SPSB4: variants seen among roughly 807,000 people sequenced by gnomAD.
SPSB4 encodes the protein SPRY domain-containing SOCS box protein 4.
A neutral mutation model predicts 20.9 loss-of-function variants in SPSB4; 21 were observed. That is an observed-to-expected ratio of 1.01 (90% CI 0.71 to 1.45). SPSB4 has a LOEUF of 1.45. Ranked by LOEUF, SPSB4 falls within the 40% of genes most tolerant of loss-of-function variation. SPSB4 has a pLI of 0.00. For missense variants in SPSB4, 399 were observed against 399.2 expected, an observed-to-expected ratio of 1.00 and a Z score of 0.00; for synonymous variants, 207 against 183.8, an observed-to-expected ratio of 1.13 and a Z score of -1.02.
In SPSB4 at chr3:141,066,072, T is replaced by A. The variant is rs1559838831; in HGVS notation, c.-33T>A. 1 of 1,475,348 alleles carries A rather than the reference T, an allele frequency of 6.8e-7. No individual in the cohort carries two copies. The allele number at this position is 1,475,348 out of a possible 1,614,324, so 91.4% of individuals were successfully genotyped here. The stretch of plus-strand genomic sequence containing the variant: ...AGTGGAGGCTCCCACGAGGTAGCGG[T>A]GGCCTGCAGCGGCCTCCTCCCCGCA... On this transcript the variant is annotated 5_prime_UTR_variant, in exon 2 of 3. Transcript: ENST00000310546.
intron 2 of SPSB4, among the ~76,000 whole-genome samples, chr3:141,083,017 G>T (rs1396118697): frequency 6.8e-6 from 1 of 147,080 alleles, no homozygotes; most frequent in Non-Finnish European, 1.5e-5. Flanking sequence ...TGTCCACCAT[G>T]GACCTCCCCA....
At chr3:141,076,117 G>A (rs548591264) in intron 2 of SPSB4, among the ~76,000 whole-genome samples, 36 of 152,220 alleles carry the variant, frequency 2.4e-4, no homozygotes, top group Non-Finnish European at 5.3e-4. Flanking sequence ...GCCTTGGTCT[G>A]TGTTGCCCTC....
rs553069373 is a variant in SPSB4, at chr3:141,143,752, A to T, written c.695-3390A>T. ...GTCCTGAGTTGGTTGGCCTCCAGCC[A>T]GGAGGTGGTGCTTTCAAGAGAGCAC... On this transcript the variant is annotated intron_variant, in intron 2 of 2. Transcript: ENST00000310546. Among the ~76,000 whole-genome samples, 31 of 152,364 alleles carry T rather than the reference A, an allele frequency of 2.0e-4. No homozygotes were observed. In the South Asian group the frequency reaches 6.2e-3, roughly 31 times the overall value.
intron 2 of SPSB4, among the ~76,000 whole-genome samples, chr3:141,070,107 G>A (rs1265465631): frequency 6.6e-6 from 1 of 152,124 alleles, no homozygotes; most frequent in African/African-American, 2.4e-5. Flanking sequence ...ACAAAGAGCT[G>A]CAGGACGCAC....
chr3:141,056,262 T>G (rs1019431670), intron 1 of SPSB4, among the ~76,000 whole-genome samples: 1 of 152,248 alleles, frequency 6.6e-6, no homozygotes, highest in African/African-American at 2.4e-5. Context: ...TGAGTGGGCC[T>G]TGGCCCGGTT....
chr3:141,140,792 G>A (rs552382365), intron 2 of SPSB4, among the ~76,000 whole-genome samples: 2 of 152,004 alleles, frequency 1.3e-5, no homozygotes, highest in South Asian at 4.2e-4. Context: ...CCCACTTGAG[G>A]AGGCAGTCTG....
chr3:141,144,427 T>A (rs982611835), intron 2 of SPSB4, among the ~76,000 whole-genome samples: 1 of 152,162 alleles, frequency 6.6e-6, no homozygotes, highest in African/African-American at 2.4e-5. Flanking sequence ...CCTATCCAGG[T>A]GATTATTTCC....
chr3:141,125,371 C>G (rs528302040), intron 2 of SPSB4, among the ~76,000 whole-genome samples: 1 of 152,152 alleles, frequency 6.6e-6, no homozygotes, highest in African/African-American at 2.4e-5. Flanking sequence ...TGCAATCAGA[C>G]AGGAAGTGGC....
intron 2 of SPSB4, among the ~76,000 whole-genome samples, chr3:141,107,064 C>A (rs182146173): frequency 6.6e-6 from 1 of 152,342 alleles, no homozygotes; most frequent in Admixed American, 6.5e-5. Context: ...CACCCCTGAA[C>A]CAGTCAGTCA....
chr3:141,136,534 A>G (rs1374952698), intron 2 of SPSB4, among the ~76,000 whole-genome samples: 6 of 152,174 alleles, frequency 3.9e-5, no homozygotes, highest in Non-Finnish European at 8.8e-5. Flanking sequence ...CAAGGAAGGG[A>G]TCCAGTTTCA....
intron 2 of SPSB4, among the ~76,000 whole-genome samples, chr3:141,079,801 G>A (rs1053297356): frequency 1.3e-5 from 2 of 152,200 alleles, no homozygotes; most frequent in African/African-American, 4.8e-5. Flanking sequence ...CCCCTTTGGG[G>A]GAGGGGCATT....
intron 1 of SPSB4, among the ~76,000 whole-genome samples, chr3:141,060,803 C>T (rs367738537): frequency 6.6e-6 from 1 of 152,164 alleles, no homozygotes; most frequent in Non-Finnish European, 1.5e-5. Context: ...ATTTTTTTGA[C>T]CTTTAATAAG....
At chr3:141,135,050 A>G (rs941910143) in intron 2 of SPSB4, among the ~76,000 whole-genome samples, 1 of 151,984 alleles carries the variant, frequency 6.6e-6, no homozygotes, top group African/African-American at 2.4e-5. Flanking sequence ...GGGCTCTCTT[A>G]TCTTTAATGT....
chr3:141,062,538 C>G (rs1937785232), intron 1 of SPSB4, among the ~76,000 whole-genome samples: 1 of 152,110 alleles, frequency 6.6e-6, no homozygotes, highest in Non-Finnish European at 1.5e-5. Context: ...CCTCTGAGAA[C>G]TGCTGTAGAG....
chr3:141,077,299 GC>G (rs1283843132), intron 2 of SPSB4: 6 of 152,186 alleles, frequency 3.9e-5, no homozygotes, highest in Admixed American at 3.3e-4. Flanking sequence ...CTTCTCAGCG[GC>G]TGCTTTCTAT....
chr3:141,125,958 T>C (rs1019177719), intron 2 of SPSB4, among the ~76,000 whole-genome samples: 2 of 152,092 alleles, frequency 1.3e-5, no homozygotes, highest in African/African-American at 4.8e-5. Context: ...CTTGTGGAGA[T>C]TTTGTGGGAA....
chr3:141,085,953 A>C (rs2107788994), intron 2 of SPSB4, among the ~76,000 whole-genome samples: 1 of 152,334 alleles, frequency 6.6e-6, no homozygotes, highest in African/African-American at 2.4e-5. Flanking sequence ...TCTGATCTGC[A>C]GCCTCCTTAA....
intron 2 of SPSB4, chr3:141,124,317 T>C (rs1257475869): frequency 6.6e-6 from 1 of 152,282 alleles, no homozygotes; most frequent in African/African-American, 2.4e-5. Context: ...TGGTCAGGGA[T>C]TTCCTGAAGT....
intron 1 of SPSB4, among the ~76,000 whole-genome samples, chr3:141,057,886 T>C (rs1937689011): frequency 6.6e-6 from 1 of 152,192 alleles, no homozygotes; most frequent in Non-Finnish European, 1.5e-5. Context: ...TTTACAGTCT[T>C]TGTCATTATT....
Sources: gnomAD v4.1 joint callset for allele counts (sites outside exome capture counted in the v4.1 genomes callset) on GRCh38, gnomAD v4.1.1 for gene constraint, MANE v1.5 for transcripts, NCBI Gene and HGNC (gene_info 2026-07-23, HGNC 2026-07-21) for gene names.